The following ACTR5 variants were observed in gnomAD, a reference collection of about 807,000 sequenced individuals.
ACTR5 encodes the protein actin related protein 5, also known as actin-related protein 5.
In ACTR5, 43 loss-of-function variants were observed where a neutral mutation model predicts 61.2. The observed-to-expected ratio is 0.70, with a 90% CI of 0.55 to 0.91. The LOEUF is 0.91. ACTR5 is among the 40% of genes least tolerant of loss of function. The pLI is 0.00. For synonymous variants in ACTR5, 333 were observed against 310.5 expected, an observed-to-expected ratio of 1.07 and a Z score of -0.76; for missense variants, 798 against 782.2, an observed-to-expected ratio of 1.02 and a Z score of -0.24.
Position 38,748,667 on chromosome 20 carries a change from GGT to G in ACTR5, c.193_194del (p.Cys65ArgfsTer64). On this transcript the variant is annotated frameshift_variant, in exon 1 of 9. Transcript: ENST00000243903. LOFTEE classifies it high-confidence loss of function. ...CCGAGCCGCGCCTGCAGTTCCGCGC[GGT>G]GTGCGCCCGCGGTCGTGGCGGGGCA... The part of the protein sequence containing the change: ...GPEPRLQFRA[V>X]CARGRGGARG... 1 of 1,516,428 alleles carries G rather than the reference GGT, an allele frequency of 6.6e-7. No individual in the cohort carries two copies. The highest frequency in any genetic ancestry group is 2.6e-5 in the East Asian group (1 of 37,986). 93.9% of individuals were successfully genotyped at this position (1,516,428 alleles called of 1,614,324 possible).
In ACTR5 at chr20:38,765,391, C is replaced by T. The variant is rs138160614; in HGVS notation, c.1177-11C>T. The T allele has an allele frequency of 1.7e-5, 27 of 1,609,386 alleles. No homozygotes were observed. Among genetic ancestry groups the T allele is most frequent in the Non-Finnish European group, 2.1e-5 (25 of 1,175,872 alleles). ...GGTACAGGTTCTGTTTCATTTTGCT[C>T]CTTCTCTTAGACCCCTGACCTGGAG... On this transcript the variant is annotated splice_polypyrimidine_tract_variant and intron_variant, in intron 5 of 8. Transcript: ENST00000243903.
chr20:38,760,902 A>G (rs2084449953), intron 5 of ACTR5, among the ~76,000 whole-genome samples: 1 of 150,984 alleles, frequency 6.6e-6, no homozygotes, highest in South Asian at 2.1e-4. Context: ...AGGCTGGAGT[A>G]TATGTTGTGA....
intron 7 of ACTR5, 100 bp downstream of exon 7, chr20:38,766,477 C>T: frequency 7.3e-7 from 1 of 1,375,672 alleles, no homozygotes; most frequent in Non-Finnish European, 9.8e-7. Flanking sequence ...GAAAATGCAT[C>T]TCACTCTCTT....
At chr20:38,765,602 A>T (rs1349631513) in intron 6 of ACTR5, 84 bp downstream of exon 6, 6 of 1,123,464 alleles carry the variant, frequency 5.3e-6, no homozygotes, top group Non-Finnish European at 7.9e-6. Context: ...TTTAGGACTT[A>T]AAACTGTTAT....
At chr20:38,758,393 TC>T (rs1279719315) in intron 5 of ACTR5, among the ~76,000 whole-genome samples, 1 of 152,204 alleles carries the variant, frequency 6.6e-6, no homozygotes, top group Non-Finnish European at 1.5e-5. Flanking sequence ...ACGCCTGTAA[TC>T]CCAGCACTTT....
In ACTR5 at chr20:38,752,189, C is replaced by G. The variant is rs772132740; in HGVS notation, c.664C>G (p.Leu222Val). 3.7e-6 allele frequency: 6 copies of G among 1,613,970 alleles called. No homozygotes were observed. In the Admixed American group the frequency reaches 6.7e-5, roughly 18 times the overall value. The change falls in exon 3 of 9, where the codon CTC becomes GTC. Residue 222 changes from leucine to valine, a missense_variant. Leu to Val is a conservative substitution (Grantham distance 32, BLOSUM62 1). Coordinates refer to ENST00000243903, the MANE Select transcript of ACTR5 (RefSeq NM_024855.4). ...TGGAGGAAGCCAAGCAGCTGGTTACCTCCAGCGTCTCCTCCAGCTGAAGTA... is the reference window on the plus strand; with the variant it reads ...TGGAGGAAGCCAAGCAGCTGGTTACGTCCAGCGTCTCCTCCAGCTGAAGTA... Reference protein sequence around the residue: ...NLGGSQAAGYLQRLLQLKYPG... With the variant: ...NLGGSQAAGYVQRLLQLKYPG...
chr20:38,764,805 G>A (rs954341770), intron 5 of ACTR5, among the ~76,000 whole-genome samples: 1 of 152,144 alleles, frequency 6.6e-6, no homozygotes, highest in Non-Finnish European at 1.5e-5. Flanking sequence ...AAGTAGCTGG[G>A]GCTGTAGGTG....
chr20:38,749,970 C>A, intron 1 of ACTR5, 40 bp from the exon 2 acceptor site: 1 of 1,551,488 alleles, frequency 6.4e-7, no homozygotes, highest in South Asian at 1.1e-5. Context: ...AAAGAGTATT[C>A]TGTTACCACT....
chr20:38,748,482 G>A lies in ACTR5; in HGVS notation c.4G>A (p.Ala2Thr). The A allele has an allele frequency of 6.7e-7, 1 of 1,484,516 alleles. No individual in the cohort carries two copies. The highest frequency in any genetic ancestry group is 1.3e-5 in the South Asian group (1 of 78,734). 92.0% of individuals were successfully genotyped at this position (1,484,516 alleles called of 1,614,324 possible). Residue 2 changes from alanine (A) to threonine (T), a missense_variant, in exon 1 of 9, where the codon GCG becomes ACG. Coordinates refer to ENST00000243903, the MANE Select transcript of ACTR5 (RefSeq NM_024855.4). Reference sequence around the variant, plus strand: ...GGGGCTGGACGCGCGCTCCAAGATGGCGGCGAACGTGTTCCCGTTCCGCGA... The same window carrying A: ...GGGGCTGGACGCGCGCTCCAAGATGACGGCGAACGTGTTCCCGTTCCGCGA... M[A>T]ANVFPFRDAR...
At chr20:38,762,426 G>T (rs991058353) in intron 5 of ACTR5, among the ~76,000 whole-genome samples, 1 of 152,228 alleles carries the variant, frequency 6.6e-6, no homozygotes, top group Non-Finnish European at 1.5e-5. Context: ...ATACTTTGTT[G>T]GTTGTAGTCC....
chr20:38,750,613 T>G (rs1157610576), intron 2 of ACTR5, among the ~76,000 whole-genome samples: 1 of 151,092 alleles, frequency 6.6e-6, no homozygotes, highest in East Asian at 1.9e-4. Flanking sequence ...TTTGTTTTTT[T>G]TTTGTTTTTG....
At chr20:38,768,204 G>A (rs1275812112) in intron 8 of ACTR5, among the ~76,000 whole-genome samples, 1 of 152,188 alleles carries the variant, frequency 6.6e-6, no homozygotes, top group Non-Finnish European at 1.5e-5. Context: ...GGCTGTCTCA[G>A]TGGTAGGAAG....
intron 5 of ACTR5, among the ~76,000 whole-genome samples, chr20:38,757,597 A>G (rs1352251814): frequency 6.6e-6 from 1 of 151,910 alleles, no homozygotes; most frequent in Non-Finnish European, 1.5e-5. Flanking sequence ...TGGGTGTAGC[A>G]TAGTGCTTAT....
intron 5 of ACTR5, among the ~76,000 whole-genome samples, chr20:38,765,106 T>C (rs971757841): frequency 3.3e-5 from 5 of 152,224 alleles, no homozygotes; most frequent in Non-Finnish European, 7.3e-5. Flanking sequence ...AAGCAGCAAG[T>C]CTTCCACGGG....
chr20:38,756,027 C>T lies in ACTR5; in HGVS notation c.1164C>T (p.Asp388=), dbSNP rs1281178032. ...AEVNLEVDVV[D]SKPETPDLEQ... is the part of the protein sequence containing the mutation. ...TCAACCTCGAGGTGGATGTGGTAGA[C>T]AGCAAGCCAGAGGTAACTTAGGGCC... The change falls in exon 5 of 9, where the codon GAC becomes GAT. Residue 388 remains aspartate (D), a synonymous_variant. Coordinates refer to ENST00000243903, the MANE Select transcript of ACTR5 (RefSeq NM_024855.4). 8.7e-6 allele frequency: 14 copies of T among 1,612,258 alleles called. No homozygotes were observed. Among genetic ancestry groups the T allele is most frequent in the Non-Finnish European group, 1.2e-5 (14 of 1,179,708 alleles).
intron 5 of ACTR5, among the ~76,000 whole-genome samples, chr20:38,758,734 T>A (rs1163519704): frequency 1.3e-5 from 2 of 151,948 alleles, no homozygotes; most frequent in Non-Finnish European, 2.9e-5. Flanking sequence ...ATGATCAGAG[T>A]CAATTACAGT....
At position 38,748,569 on chromosome 20, in the gene ACTR5, G is replaced by C; in HGVS notation, c.91G>C (p.Val31Leu). The C allele has an allele frequency of 1.3e-6, 2 of 1,520,226 alleles. No individual in the cohort carries two copies. The highest frequency in any genetic ancestry group is 1.8e-6 in the Non-Finnish European group (2 of 1,137,012). 94.2% of individuals were successfully genotyped at this position (1,520,226 alleles called of 1,614,324 possible). A position where few individuals can be genotyped will look rare whatever the true frequency, so the allele number is the denominator to read the frequency against. ...AGPVAHGPLP[V>L]PLVLDNGSFQ... ...CCCGGTGGCACACGGGCCACTGCCGGTACCGCTGGTGCTGGACAACGGGTC... is the reference window on the plus strand; with the variant it reads ...CCCGGTGGCACACGGGCCACTGCCGCTACCGCTGGTGCTGGACAACGGGTC... Residue 31 changes from valine to leucine, a missense_variant, in exon 1 of 9, where the codon GTA becomes CTA. By Grantham distance (32) the Val-to-Leu change is conservative. Transcript: ENST00000243903.
intron 5 of ACTR5, among the ~76,000 whole-genome samples, chr20:38,758,901 G>C (rs1310709354): frequency 6.6e-6 from 1 of 152,130 alleles, no homozygotes; most frequent in Non-Finnish European, 1.5e-5. Flanking sequence ...AGCAGTAATG[G>C]CTGAACTGAA....
At chr20:38,760,393 A>G (rs1446793212) in intron 5 of ACTR5, among the ~76,000 whole-genome samples, 1 of 152,086 alleles carries the variant, frequency 6.6e-6, no homozygotes, top group Non-Finnish European at 1.5e-5. Context: ...GAATGAGACG[A>G]TGAGATTTTG....
Sources: allele counts gnomAD v4.1 joint callset (sites outside exome capture counted in the v4.1 genomes callset), GRCh38; gene constraint gnomAD v4.1.1; transcripts MANE v1.5; gene names NCBI Gene and HGNC (gene_info 2026-07-23, HGNC 2026-07-21).